Variants in SEPTIN14 observed in about 807,000 individuals in gnomAD.
SEPTIN14 encodes septin 14, also known as septin-14.
In SEPTIN14, 40 loss-of-function variants were observed where a neutral mutation model predicts 53.6. That is an observed-to-expected ratio of 0.75 (90% confidence interval 0.58 to 0.97). The LOEUF (loss-of-function observed/expected upper bound fraction) is 0.97. SEPTIN14 is among the 50% of genes least tolerant of loss of function. SEPTIN14 has a pLI of 0.00. For missense variants in SEPTIN14, 471 were observed against 508.2 expected (o/e 0.93, Z 0.70); for synonymous variants, 138 against 166.8 (o/e 0.83, Z 1.33).
intron 7 of SEPTIN14, among the ~76,000 whole-genome samples, chr7:55,809,994 G>A (rs1325062108): frequency 6.6e-6 from 1 of 151,844 alleles, no homozygotes. Flanking sequence ...CACTACGCCA[G>A]GCTGATTTTG....
intron 2 of SEPTIN14, among the ~76,000 whole-genome samples, chr7:55,856,389 C>T (rs71543764): frequency 0.056 from 8,567 of 151,752 alleles, 440 homozygotes; most frequent in East Asian, 0.25. Flanking sequence ...TGTATATGTA[C>T]CACTTTTTCG....
intron 9 of SEPTIN14, among the ~76,000 whole-genome samples, chr7:55,799,515 T>C: frequency 1.1e-5 from 1 of 92,956 alleles, no homozygotes; most frequent in African/African-American, 5.3e-5. Flanking sequence ...AAGACTCTTG[T>C]CTCAAAAAAA....
chr7:55,854,634 TA>T (rs1422416504), intron 2 of SEPTIN14, among the ~76,000 whole-genome samples: 1 of 152,092 alleles, frequency 6.6e-6, no homozygotes, highest in Non-Finnish European at 1.5e-5. Flanking sequence ...TTCACCATGT[TA>T]GCCAGGATGG....
At chr7:55,800,040 T>A (rs1010108922) in intron 9 of SEPTIN14, among the ~76,000 whole-genome samples, 7 of 152,218 alleles carry the variant, frequency 4.6e-5, no homozygotes, top group African/African-American at 1.7e-4. Context: ...TGTATCTTTT[T>A]ATCATAATAG....
chr7:55,812,588 G>A (rs116750351), intron 7 of SEPTIN14, among the ~76,000 whole-genome samples: 1,851 of 152,252 alleles, frequency 0.012, 42 homozygotes, highest in African/African-American at 0.041. Context: ...GGGGAGTGGG[G>A]TGGAGCAAGG....
At chr7:55,796,411 C>T (rs1356842937) in intron 9 of SEPTIN14, among the ~76,000 whole-genome samples, 1 of 152,012 alleles carries the variant, frequency 6.6e-6, no homozygotes, top group Admixed American at 6.6e-5. Context: ...TACAGGCATG[C>T]ACCACCATGC....
intron 2 of SEPTIN14, among the ~76,000 whole-genome samples, chr7:55,857,490 G>GAGGCAAGGGA (rs1789656878): frequency 1.4e-5 from 1 of 71,446 alleles, no homozygotes; most frequent in Non-Finnish European, 2.4e-5. Flanking sequence ...GAGGGGAGGG[G>GAGGCAAGGGA]AGGGAAGGGA....
At chr7:55,851,154 T>C (rs1789509807) in intron 2 of SEPTIN14, among the ~76,000 whole-genome samples, 1 of 152,186 alleles carries the variant, frequency 6.6e-6, no homozygotes, top group South Asian at 2.1e-4. Context: ...CTAGCTTTAT[T>C]GAGGAATAAT....
rs1382197773 is a variant in SEPTIN14, at chr7:55,795,848, A to G, written c.*65T>C. 5.0e-6 allele frequency: 6 copies of G among 1,203,130 alleles called. No individual in the cohort carries two copies. Among genetic ancestry groups the G allele is most frequent in the African/African-American group, 1.5e-5 (1 of 66,066 alleles). The allele number at this position is 1,203,130 out of a possible 1,614,324, so 74.5% of individuals were successfully genotyped here. On this transcript the variant is annotated 3_prime_UTR_variant, in exon 10 of 10. Transcript: ENST00000388975. ...TGAGAACTTCAGAGTTAAATGCTAC[A>G]AAGACAATCTCACAGGAAGTTGCGA... is the stretch of plus-strand genomic sequence containing the variant.
intron 7 of SEPTIN14, among the ~76,000 whole-genome samples, chr7:55,810,110 G>A (rs1238041843): frequency 6.6e-6 from 1 of 152,086 alleles, no homozygotes; most frequent in East Asian, 1.9e-4. Flanking sequence ...GGGATTACAG[G>A]TGTGAGCCAC....
Position 55,807,149 on chromosome 7 carries a change from C to A in SEPTIN14, c.927G>T (p.Arg309Ser), listed in dbSNP as rs1387264074. 14 of 1,607,630 alleles carry A rather than the reference C, an allele frequency of 8.7e-6. No individual in the cohort carries two copies. The highest frequency in any genetic ancestry group is 1.2e-5 in the Non-Finnish European group (14 of 1,177,936). ...AGCCCATTTTCTGCAGTTTTTGGTA[C>A]CTATAACATTCATAGTGCTGAGTGT... Reference protein sequence around the residue: ...KTHTQHYECYRYQKLQKMGFT... With the variant: ...KTHTQHYECYSYQKLQKMGFT... The change falls in exon 8 of 10, where the codon AGG (arginine) becomes AGT (serine). Residue 309 changes from arginine to serine, a missense_variant. By Grantham distance (110) the Arg-to-Ser change is moderately radical. Transcript: ENST00000388975.
chr7:55,815,763 T>C (rs1396083853), intron 7 of SEPTIN14, among the ~76,000 whole-genome samples: 11 of 152,182 alleles, frequency 7.2e-5, no homozygotes, highest in Non-Finnish European at 1.6e-4. Context: ...TGTCAATCAG[T>C]ACAGTATCTA....
rs376910306 is a variant in SEPTIN14 at position 55,858,435 on chromosome 7, GAAATCATCATCAGAA to G, written c.54+3493_54+3507del. ...AAAAGGAAGACTTAAGGTTGAGGGT[GAAATCATCATCAGAA>G]AAACATCCTCTGGCAAACCAACCCC... On this transcript the variant is annotated intron_variant, in intron 2 of 9. Transcript: ENST00000388975. Among the ~76,000 whole-genome samples the G allele has an allele frequency of 3.5e-3, 540 of 152,290 alleles. 4 individuals carry two copies. The highest frequency in any genetic ancestry group is 0.012 in the African/African-American group (511 of 41,562).
At chr7:55,798,355 T>A in intron 9 of SEPTIN14, 1 of 271,152 alleles carries the variant, frequency 3.7e-6, no homozygotes, top group East Asian at 8.6e-5. Context: ...CCACACACTT[T>A]GGGGGTGGTG....
intron 2 of SEPTIN14, among the ~76,000 whole-genome samples, chr7:55,848,230 C>T (rs943011077): frequency 1.3e-5 from 2 of 152,112 alleles, no homozygotes; most frequent in Non-Finnish European, 2.9e-5. Flanking sequence ...GCTGAGATCT[C>T]GACTCACTGC....
chr7:55,830,349 A>ATATTTTTTTTTTTTTTTTTTTT (rs71015108), intron 6 of SEPTIN14, among the ~76,000 whole-genome samples: 2 of 56,842 alleles, frequency 3.5e-5, no homozygotes, highest in African/African-American at 1.0e-4. Flanking sequence ...ATATATATAT[A>ATATTTTTTTTTTTTTTTTTTTT]TTTTTTTTTT....
chr7:55,802,282 G>A (rs1788534431), intron 9 of SEPTIN14, among the ~76,000 whole-genome samples: 1 of 152,156 alleles, frequency 6.6e-6, no homozygotes, highest in African/African-American at 2.4e-5. Context: ...TGGGATTACA[G>A]GCATGAGCCA....
chr7:55,832,202 AACACACACACACACACACAC>A (rs112349116), intron 6 of SEPTIN14, among the ~76,000 whole-genome samples: 22 of 145,006 alleles, frequency 1.5e-4, no homozygotes, highest in African/African-American at 4.8e-4. Flanking sequence ...CTCTGTCTCA[AACACACACACACACACACAC>A]ACACACACAC....
chr7:55,854,585 A>T (rs866921365), intron 2 of SEPTIN14, among the ~76,000 whole-genome samples: 18 of 151,768 alleles, frequency 1.2e-4, no homozygotes, highest in Middle Eastern at 3.4e-3. Context: ...ACCCGCCACC[A>T]CGCCCGGCTA....
Sources: gnomAD v4.1 joint callset for allele counts (sites outside exome capture counted in the v4.1 genomes callset) on GRCh38, gnomAD v4.1.1 for gene constraint, MANE v1.5 for transcripts, NCBI Gene and HGNC (gene_info 2026-07-23, HGNC 2026-07-21) for gene names.